Variants in TNRC6C observed in about 807,000 individuals in gnomAD.
The protein encoded by TNRC6C is trinucleotide repeat-containing gene 6C protein.
A neutral mutation model predicts 153.7 loss-of-function variants in TNRC6C; 20 were observed. The observed-to-expected ratio is 0.13, with a 90% CI of 0.09 to 0.19. TNRC6C has a LOEUF of 0.19. Ranked by LOEUF, TNRC6C falls within the 10% of genes least tolerant of loss-of-function variation. The pLI is 1.00. For synonymous variants in TNRC6C, 811 were observed against 841.4 expected (o/e 0.96, Z 0.63); for missense variants, 1,987 against 2,172.0 (o/e 0.91, Z 1.69).
rs1293204738 is a variant in TNRC6C at position 78,089,096 on chromosome 17, T to C, written c.3802+2003T>C. On this transcript the variant is annotated intron_variant, in intron 13 of 19. Transcript: ENST00000301624. Reference sequence around the variant, plus strand: ...AATTCTCCTGCCTCAGCCTCCCAAATTGATGGGATTACAGGCATGCATCAC... The same window carrying C: ...AATTCTCCTGCCTCAGCCTCCCAAACTGATGGGATTACAGGCATGCATCAC... 2.6e-5 allele frequency among the ~76,000 whole-genome samples: 4 copies of C among 151,354 alleles called. No homozygotes were observed. In the East Asian group the frequency reaches 7.8e-4, roughly 30 times the overall value.
intron 1 of TNRC6C, among the ~76,000 whole-genome samples, chr17:77,995,478 G>A (rs2071314079): frequency 1.3e-5 from 2 of 152,230 alleles, no homozygotes; most frequent in South Asian, 4.1e-4. Context: ...CAGGCAAAAA[G>A]CAGAGTTTGG....
intron 3 of TNRC6C, among the ~76,000 whole-genome samples, chr17:78,060,304 G>A (rs1022835157): frequency 6.6e-6 from 1 of 151,906 alleles, no homozygotes; most frequent in Non-Finnish European, 1.5e-5. Flanking sequence ...TCCTCCATAA[G>A]CAAGTACCCA....
chr17:78,081,462 A>G (rs2073178845), intron 10 of TNRC6C, among the ~76,000 whole-genome samples: 1 of 152,202 alleles, frequency 6.6e-6, no homozygotes, highest in South Asian at 2.1e-4. Context: ...TTATCAGGCA[A>G]TAATAAAAGT....
chr17:77,985,625 T>C (rs1269698197), intron 1 of TNRC6C, among the ~76,000 whole-genome samples: 4 of 143,332 alleles, frequency 2.8e-5, no homozygotes, highest in Non-Finnish European at 4.5e-5. Context: ...AACCAGCAAC[T>C]GTGTTGAATC....
chr17:78,038,743 A>C (rs1199542050), intron 2 of TNRC6C, among the ~76,000 whole-genome samples: 4 of 151,938 alleles, frequency 2.6e-5, no homozygotes, highest in Non-Finnish European at 4.4e-5. Flanking sequence ...AACAGCATTG[A>C]TAGATCACTT....
chr17:78,104,626 A>G lies in TNRC6C; in HGVS notation c.4854A>G (p.Ala1618=). 2 of 1,548,554 alleles carry G rather than the reference A, an allele frequency of 1.3e-6. No homozygotes were observed. The highest frequency in any genetic ancestry group is 1.7e-6 in the Non-Finnish European group (2 of 1,146,896). ...CGTCCAGCCAGCCGCGGCTCAGCGC[A>G]GCGGGCAGCTCCCATGGCCTGGTAC... Residue 1618 remains alanine, a synonymous_variant, in exon 20 of 20, where the codon GCA becomes GCG. Coordinates refer to ENST00000301624, the Ensembl canonical transcript of TNRC6C. The surrounding 1 kb of genome is among the most constrained non-coding windows in gnomAD (Gnocchi z 6.2).
In TNRC6C at chr17:78,049,201, A is replaced by C; in HGVS notation, c.139A>C (p.Ser47Arg). 6.2e-7 allele frequency: 1 copy of C among 1,613,270 alleles called. No homozygotes were observed. The highest frequency in any genetic ancestry group is 2.2e-5 in the East Asian group (1 of 44,880). ...AGCAGGGGGAGCGAACAGTAATGGA[A>C]GTGCGGCCAGAGTGTGGGGTGTAGC... The change falls in exon 3 of 20, where the codon AGT (serine) becomes CGT (arginine). Residue 47 changes from serine to arginine, a missense_variant. Physicochemically the swap from Ser to Arg is moderately radical, Grantham distance 110. Coordinates refer to ENST00000301624, the Ensembl canonical transcript of TNRC6C. The surrounding 1 kb of genome is among the most constrained non-coding windows in gnomAD (Gnocchi z 4.1).
intron 1 of TNRC6C, among the ~76,000 whole-genome samples, chr17:78,023,670 G>T (rs566135278): frequency 1.3e-4 from 20 of 152,232 alleles, no homozygotes; most frequent in Non-Finnish European, 2.6e-4. Flanking sequence ...GCTGGGCATG[G>T]TGATACACAT....
At chr17:77,976,951 A>C (rs1011309697) in intron 1 of TNRC6C, among the ~76,000 whole-genome samples, 46 of 150,494 alleles carry the variant, frequency 3.1e-4, no homozygotes, top group African/African-American at 9.8e-4. Context: ...AAAAAAAAAA[A>C]AAAAAAAAAC....
At chr17:78,086,918 C>T (rs1357828140) in exon 13 of TNRC6C, 2 of 1,612,658 alleles carry the variant, frequency 1.2e-6, no homozygotes, top group South Asian at 1.1e-5. Context: ...TGGCCCAGGC[C>T]CTGCTCGTGA....
chr17:78,003,311 A>G (rs1199672115), upstream of TNRC6C, among the ~76,000 whole-genome samples: 1 of 152,228 alleles, frequency 6.6e-6, no homozygotes, highest in African/African-American at 2.4e-5. Flanking sequence ...AAAGGCTTTC[A>G]GATCAGAGAG....
At chr17:77,958,031 C>T (rs2070822346), upstream of TNRC6C, among the ~76,000 whole-genome samples, 1 of 148,234 alleles carries the variant, frequency 6.7e-6, no homozygotes, top group Non-Finnish European at 1.5e-5. Flanking sequence ...CGACTGAGCG[C>T]AAGGGCGGGC....
intron 2 of TNRC6C, among the ~76,000 whole-genome samples, chr17:78,034,015 G>C (rs1315957139): frequency 6.6e-6 from 1 of 152,114 alleles, no homozygotes; most frequent in East Asian, 1.9e-4. Context: ...TCATAGCCGA[G>C]TCTCCCCAAC....
intron 1 of TNRC6C, among the ~76,000 whole-genome samples, chr17:77,993,353 GC>G (rs1243675914): frequency 6.6e-6 from 1 of 152,210 alleles, no homozygotes; most frequent in Non-Finnish European, 1.5e-5. Flanking sequence ...GGAAATATTT[GC>G]TTCTTGAGAT....
At chr17:77,995,978 T>C (rs891044159) in intron 1 of TNRC6C, among the ~76,000 whole-genome samples, 1 of 152,124 alleles carries the variant, frequency 6.6e-6, no homozygotes, top group African/African-American at 2.4e-5. Flanking sequence ...GATTCTGAGG[T>C]GGGAGGGTTG....
At chr17:78,001,491 T>A (rs373455230), upstream of TNRC6C, among the ~76,000 whole-genome samples, 14 of 152,262 alleles carry the variant, frequency 9.2e-5, no homozygotes, top group East Asian at 2.5e-3. Flanking sequence ...AATAGAAGAA[T>A]GACTGAATAA....
chr17:78,036,564 G>GC (rs1421035247), intron 2 of TNRC6C, among the ~76,000 whole-genome samples: 1 of 152,158 alleles, frequency 6.6e-6, no homozygotes, highest in African/African-American at 2.4e-5. Flanking sequence ...TTTTAGCTGT[G>GC]TAAGAATAGA....
Position 78,049,459 on chromosome 17 carries a change from A to G in TNRC6C, c.397A>G (p.Ile133Val). ...CAGTATTTGCAGTCCAGTCAGTGCCATAGGTCAAAATATGGGCAACCAGAA... is the reference window on the plus strand; with the variant it reads ...CAGTATTTGCAGTCCAGTCAGTGCCGTAGGTCAAAATATGGGCAACCAGAA... The change falls in exon 3 of 20, where the codon ATA becomes GTA. Residue 133 changes from isoleucine (I) to valine (V), a missense_variant. Physicochemically the swap from Ile to Val is conservative, Grantham distance 29 (BLOSUM62 3). This residue lies in a region of TNRC6C where 1,052 missense variants were observed against 1,017.0 expected (regional missense o/e 1.03). Coordinates refer to ENST00000301624, the Ensembl canonical transcript of TNRC6C. This position sits in a 1 kb window ranked among gnomAD's most constrained non-coding sequence, Gnocchi z 4.1. 1 of 1,614,036 alleles carries G rather than the reference A, an allele frequency of 6.2e-7. No homozygotes were observed. Among genetic ancestry groups the G allele is most frequent in the South Asian group, 1.1e-5 (1 of 91,092 alleles).
At chr17:78,034,967 C>T (rs923152405) in intron 2 of TNRC6C, among the ~76,000 whole-genome samples, 3 of 152,162 alleles carry the variant, frequency 2.0e-5, no homozygotes, top group East Asian at 1.9e-4. Context: ...AAATAAATAA[C>T]GTCTCTGAGC....
Sources: allele counts gnomAD v4.1 joint callset (sites outside exome capture counted in the v4.1 genomes callset), GRCh38; gene constraint gnomAD v4.1.1; regional missense constraint gnomAD v4.1.1; non-coding constraint Gnocchi (gnomAD v3.1); transcripts MANE v1.5; gene names NCBI Gene and HGNC (gene_info 2026-07-23, HGNC 2026-07-21).